Variants in EHD1 observed in about 807,000 individuals in gnomAD.
The protein encoded by EHD1 is EH domain-containing protein 1.
In EHD1, 19 loss-of-function variants were observed where a neutral mutation model predicts 39.0. That is an observed-to-expected ratio of 0.49 (90% CI 0.34 to 0.72). The LOEUF (loss-of-function observed/expected upper bound fraction) is 0.72, where lower values mean the gene tolerates loss of function less well. Ranked by LOEUF, EHD1 falls within the 30% of genes least tolerant of loss-of-function variation. The probability of loss-of-function intolerance (pLI) is 0.01; values close to 1 mark genes in which losing one functional copy is unlikely to be tolerated. For missense variants in EHD1, 542 were observed against 751.5 expected (o/e 0.72, Z 3.26); for synonymous variants, 323 against 331.2 (o/e 0.98, Z 0.27).
At position 64,878,349 on chromosome 11, in the gene EHD1, T is replaced by C; in HGVS notation, c.116A>G (p.His39Arg). Residue 39 changes from histidine (H) to arginine (R), a missense_variant, in exon 1 of 5, where the codon CAC (histidine) becomes CGC (arginine). His to Arg is a conservative substitution (Grantham distance 29). Coordinates refer to ENST00000320631, the MANE Select transcript of EHD1 (RefSeq NM_006795.4). ...YAQKLLPLEE[H>R]YRFHEFHSPA... is the part of the protein sequence containing the mutation. The stretch of plus-strand genomic sequence containing the variant: ...CGAGTGGAACTCGTGGAAGCGGTAG[T>C]GCTCCTCCAGGGGTAGCAGCTTCTG... 1 of 1,614,046 alleles carries C rather than the reference T, an allele frequency of 6.2e-7. No individual in the cohort carries two copies. Among genetic ancestry groups the C allele is most frequent in the African/African-American group, 1.3e-5 (1 of 75,068 alleles).
intron 2 of EHD1, among the ~76,000 whole-genome samples, chr11:64,873,715 C>T (rs1212008): frequency 2.0e-5 from 3 of 151,388 alleles, no homozygotes; most frequent in African/African-American, 4.9e-5. Context: ...GTCTCGCTGT[C>T]GCCCAGCCTG....
At chr11:64,869,435 C>G (rs1168616444) in intron 2 of EHD1, among the ~76,000 whole-genome samples, 1 of 152,238 alleles carries the variant, frequency 6.6e-6, no homozygotes, top group Non-Finnish European at 1.5e-5. Flanking sequence ...CAGCACTTCC[C>G]CGAGGATACT....
At chr11:64,869,674 G>A (rs1943807139) in intron 2 of EHD1, among the ~76,000 whole-genome samples, 1 of 152,228 alleles carries the variant, frequency 6.6e-6, no homozygotes, top group South Asian at 2.1e-4. Context: ...AGCTCCCCAA[G>A]TACTAACGTG....
At position 64,855,418 on chromosome 11, in the gene EHD1, C is replaced by G; in HGVS notation, c.984G>C (p.Lys328Asn). Residue 328 changes from lysine to asparagine, a missense_variant, in exon 4 of 5, where the codon AAG (lysine) becomes AAC (asparagine). Lys to Asn is a moderately conservative substitution (Grantham distance 94, BLOSUM62 0). Transcript: ENST00000320631. ...CTCCGAGGTTGTTCACCAGCTCTTT[C>G]TTTTTGCTCTCTTTACCAAAGACAT... ...MPNVFGKESK[K>N]KELVNNLGEI... 2 of 1,614,114 alleles carry G rather than the reference C, an allele frequency of 1.2e-6. No homozygotes were observed. Among genetic ancestry groups the G allele is most frequent in the Non-Finnish European group, 8.5e-7 (1 of 1,180,010 alleles).
intron 2 of EHD1, among the ~76,000 whole-genome samples, chr11:64,873,080 C>T (rs1261940014): frequency 1.3e-5 from 2 of 152,212 alleles, no homozygotes; most frequent in South Asian, 2.1e-4. Context: ...AAGCATCAGG[C>T]CCCAAAGCGC....
At position 64,852,775 on chromosome 11, in the gene EHD1, T is replaced by C. The variant is rs1444198489; in HGVS notation, c.*1558A>G. 1 of 152,660 alleles carries C rather than the reference T, an allele frequency of 6.6e-6. No homozygotes were observed. The highest frequency in any genetic ancestry group is 1.5e-5 in the Non-Finnish European group (1 of 68,132). 9.5% of individuals were successfully genotyped at this position (152,660 alleles called of 1,614,324 possible). On this transcript the variant is annotated 3_prime_UTR_variant, in exon 5 of 5. Coordinates refer to ENST00000320631, the MANE Select transcript of EHD1 (RefSeq NM_006795.4). ...TTTAATGCAAGGAGAAAGTCTTCAC[T>C]TCTCTTCCCACAGGTGTGAACAAGC... is the stretch of plus-strand genomic sequence containing the variant.
At chr11:64,877,865 C>A in intron 1 of EHD1, 196 bp downstream of exon 1, 1 of 469,714 alleles carries the variant, frequency 2.1e-6, no homozygotes, top group Non-Finnish European at 3.5e-6. Context: ...GGGGAGCCGA[C>A]AACGCCCACT....
rs755070502 is a variant in EHD1, at chr11:64,854,416, T to C, written c.1522A>G (p.Ile508Val). 1.1e-5 allele frequency: 18 copies of C among 1,614,020 alleles called. No homozygotes were observed. The highest frequency in any genetic ancestry group is 1.7e-5 in the Admixed American group (1 of 60,026). ...TCGTGGCCCTCCAGCTTGACCTTGA[T>C]GAGGTGGTTGGCCAGCGCGAACTCC... ...DEEFALANHL[I>V]KVKLEGHELP... The change falls in exon 5 of 5, where the codon ATC (isoleucine) becomes GTC (valine). Residue 508 changes from isoleucine to valine, a missense_variant. By Grantham distance (29) the Ile-to-Val change is conservative. Transcript: ENST00000320631.
intron 1 of EHD1, 73 bp downstream of exon 1, chr11:64,877,988 C>T: frequency 2.8e-6 from 4 of 1,409,840 alleles, no homozygotes; most frequent in Non-Finnish European, 3.7e-6. Context: ...GCGACAGCCA[C>T]GGGAGGGTCA....
rs1049926738 is a variant in EHD1, at chr11:64,853,491, C to G, written c.*842G>C. ...TGGGGTCCAGGAACGGGGTGCTCCC[C>G]GGGTACCCACACCTAATGCCCCCTG... On this transcript the variant is annotated 3_prime_UTR_variant, in exon 5 of 5. Coordinates refer to ENST00000320631, the MANE Select transcript of EHD1 (RefSeq NM_006795.4). The G allele has an allele frequency of 6.6e-6, 1 of 152,418 alleles. No homozygotes were observed. Among genetic ancestry groups the G allele is most frequent in the Non-Finnish European group, 1.5e-5 (1 of 68,074 alleles). The allele number at this position is 152,418 out of a possible 1,614,324, so 9.4% of individuals were successfully genotyped here.
intron 2 of EHD1, among the ~76,000 whole-genome samples, chr11:64,871,362 C>T (rs935406109): frequency 3.3e-5 from 5 of 152,188 alleles, no homozygotes; most frequent in African/African-American, 1.2e-4. Context: ...CTGGACAGGC[C>T]ACACGGGCCT....
intron 1 of EHD1, among the ~76,000 whole-genome samples, chr11:64,876,011 G>A (rs961631972): frequency 4.6e-5 from 7 of 152,204 alleles, no homozygotes; most frequent in Non-Finnish European, 1.0e-4. Context: ...TTGCTCTGCA[G>A]AGCCCAGGGT....
intron 3 of EHD1, 34 bp downstream of exon 3, chr11:64,859,890 G>A: frequency 6.3e-7 from 1 of 1,582,310 alleles, no homozygotes; most frequent in East Asian, 2.2e-5. Context: ...GGCCCTGCCT[G>A]GCAATAGGCT....
intron 2 of EHD1, among the ~76,000 whole-genome samples, chr11:64,863,553 C>T (rs1028495473): frequency 6.6e-6 from 1 of 152,222 alleles, no homozygotes; most frequent in Non-Finnish European, 1.5e-5. Flanking sequence ...GAGAGGCTGC[C>T]TCTACGCACA....
chr11:64,856,377 T>C (rs1943653790), intron 3 of EHD1: 1 of 152,276 alleles, frequency 6.6e-6, no homozygotes, highest in South Asian at 2.1e-4. Context: ...TGACGAAGGA[T>C]TTGAAAAATC....
At chr11:64,867,532 A>G (rs1434290663) in intron 2 of EHD1, among the ~76,000 whole-genome samples, 1 of 152,154 alleles carries the variant, frequency 6.6e-6, no homozygotes, top group South Asian at 2.1e-4. Context: ...CAGCCTGGTC[A>G]ACATGGTGAA....
rs1298170036 is a variant in EHD1 at position 64,852,193 on chromosome 11, TAAAC to T, written c.*2136_*2139del. On this transcript the variant is annotated 3_prime_UTR_variant, in exon 5 of 5. Coordinates refer to ENST00000320631, the MANE Select transcript of EHD1 (RefSeq NM_006795.4). ...TCAGTCACCCTTCCCTCTGCTGGTA[TAAAC>T]AGTCCCCCATCTGTGACATCACCTG... 1.3e-5 allele frequency: 2 copies of T among 152,282 alleles called. No homozygotes were observed. The highest frequency in any genetic ancestry group is 2.9e-5 in the Non-Finnish European group (2 of 68,074). The allele number at this position is 152,282 out of a possible 1,614,324, so 9.4% of individuals were successfully genotyped here.
At chr11:64,860,858 G>A (rs1943709073) in intron 2 of EHD1, among the ~76,000 whole-genome samples, 1 of 151,822 alleles carries the variant, frequency 6.6e-6, no homozygotes, top group Admixed American at 6.6e-5. Flanking sequence ...TGTCTCTACT[G>A]AAAATACAAA....
chr11:64,859,290 T>G (rs1943687374), intron 3 of EHD1, among the ~76,000 whole-genome samples: 1 of 152,084 alleles, frequency 6.6e-6, no homozygotes, highest in Non-Finnish European at 1.5e-5. Context: ...GAGGCTGAGG[T>G]GGGCAGATCA....
Sources: allele counts gnomAD v4.1 joint callset (sites outside exome capture counted in the v4.1 genomes callset), GRCh38; gene constraint gnomAD v4.1.1; transcripts MANE v1.5; gene names NCBI Gene and HGNC (gene_info 2026-07-23, HGNC 2026-07-21).